The following POU2F2 variants were observed in gnomAD, a reference collection of about 807,000 sequenced individuals.
POU2F2 encodes the protein POU domain, class 2, transcription factor 2.
A neutral mutation model predicts 63.5 loss-of-function variants in POU2F2; 14 were observed. The observed-to-expected ratio is 0.22, with a 90% CI of 0.15 to 0.34. The LOEUF is 0.34. POU2F2 is among the 10% of genes least tolerant of loss of function. POU2F2 has a pLI of 1.00. For synonymous variants in POU2F2, 306 were observed against 348.6 expected (o/e 0.88, Z 1.36); for missense variants, 607 against 815.2 (o/e 0.74, Z 3.11).
chr19:42,151,170 G>A (rs902986430), intron 2 of POU2F2, among the ~76,000 whole-genome samples: 3 of 152,170 alleles, frequency 2.0e-5, no homozygotes, highest in South Asian at 2.1e-4. Context: ...GGGAGAGGTC[G>A]GGGGTCAGGC....
intron 11 of POU2F2, among the ~76,000 whole-genome samples, chr19:42,094,881 G>A (rs1314926942): frequency 6.6e-6 from 1 of 152,162 alleles, no homozygotes; most frequent in Non-Finnish European, 1.5e-5. Context: ...ATATCAAGTG[G>A]GCCTGTGTAT....
upstream of POU2F2, chr19:42,136,987 A>G (rs1344153480): frequency 6.6e-6 from 1 of 152,162 alleles, no homozygotes; most frequent in East Asian, 1.9e-4. Flanking sequence ...GGTGAGCTAG[A>G]TCTAAAATCT....
chr19:42,126,455 A>G (rs567744121), intron 1 of POU2F2, among the ~76,000 whole-genome samples: 365 of 152,022 alleles, frequency 2.4e-3, no homozygotes, highest in African/African-American at 6.8e-3. Context: ...AAAAAAAAAA[A>G]AAGAAGAAAA....
At chr19:42,141,787 T>C (rs2034133729) in intron 2 of POU2F2, among the ~76,000 whole-genome samples, 1 of 152,152 alleles carries the variant, frequency 6.6e-6, no homozygotes, top group Non-Finnish European at 1.5e-5. Flanking sequence ...GCCAGGAACT[T>C]AATTAATCTT....
At chr19:42,134,922 G>A (rs2033970882), upstream of POU2F2, among the ~76,000 whole-genome samples, 1 of 152,054 alleles carries the variant, frequency 6.6e-6, no homozygotes, top group African/African-American at 2.4e-5. Context: ...GGTCCCCCGG[G>A]GGCCCGGCGG....
chr19:42,105,999 T>TTTTA, intron 5 of POU2F2, among the ~76,000 whole-genome samples: 1 of 132,324 alleles, frequency 7.6e-6, no homozygotes, highest in South Asian at 2.5e-4. Flanking sequence ...GATCTTTCTT[T>TTTTA]TTTCTTTCTT....
At chr19:42,171,689 G>A (rs1004715304) in intron 1 of POU2F2, among the ~76,000 whole-genome samples, 3 of 152,198 alleles carry the variant, frequency 2.0e-5, no homozygotes, top group Non-Finnish European at 2.9e-5. Flanking sequence ...GATTAAGTCT[G>A]TGAATGCCAC....
intron 4 of POU2F2, among the ~76,000 whole-genome samples, chr19:42,120,872 T>C (rs2032531529): frequency 6.6e-6 from 1 of 152,150 alleles, no homozygotes; most frequent in Non-Finnish European, 1.5e-5. Flanking sequence ...AAAATTATTA[T>C]GTAAATAGTT....
At position 42,090,076 on chromosome 19, in the gene POU2F2, G is replaced by C. The variant is rs973226980; in HGVS notation, c.*1181C>G. 2.0e-5 allele frequency: 3 copies of C among 152,654 alleles called. No individual in the cohort carries two copies. Among genetic ancestry groups the C allele is most frequent in the African/African-American group, 7.2e-5 (3 of 41,426 alleles). 9.5% of individuals were successfully genotyped at this position (152,654 alleles called of 1,614,324 possible). Reference sequence around the variant, plus strand: ...TGGGGTGTGTGCGTGCGTGCATGTGGGGGGAGGGAGAGGCATTCGCCAGTA... The same window carrying C: ...TGGGGTGTGTGCGTGCGTGCATGTGCGGGGAGGGAGAGGCATTCGCCAGTA... On this transcript the variant is annotated 3_prime_UTR_variant, in exon 15 of 15. Coordinates refer to ENST00000692977, the MANE Select transcript of POU2F2 (RefSeq NM_001394376.1). The surrounding 1 kb of genome is among the most constrained non-coding windows in gnomAD (Gnocchi z 4.4).
At position 42,126,826 on chromosome 19, in the gene POU2F2, C is replaced by T. The variant is rs912080925; in HGVS notation, c.29-4250G>A. Among the ~76,000 whole-genome samples, 16 of 152,316 alleles carry T rather than the reference C, an allele frequency of 1.1e-4. 2 individuals carry two copies. Among genetic ancestry groups the T allele is most frequent in the African/African-American group, 3.1e-4 (13 of 41,558 alleles). On this transcript the variant is annotated intron_variant, in intron 1 of 14. Transcript: ENST00000692977. ...GGTCCCCAGCATCACAAGCCCAGAA[C>T]GGGTTGTAACTGCTGAATGTCCCTC...
intron 1 of POU2F2, among the ~76,000 whole-genome samples, chr19:42,124,021 A>C (rs1480417209): frequency 6.6e-6 from 1 of 152,150 alleles, no homozygotes; most frequent in Non-Finnish European, 1.5e-5. Context: ...GAAGACAGCT[A>C]AGCCAGGCAC....
chr19:42,197,166 G>A (rs2035159968), upstream of POU2F2, among the ~76,000 whole-genome samples: 1 of 152,154 alleles, frequency 6.6e-6, no homozygotes, highest in Admixed American at 6.5e-5. Flanking sequence ...GCAAGGGAGT[G>A]GAATTCCCCA....
At chr19:42,114,317 C>T (rs1377409362) in intron 5 of POU2F2, among the ~76,000 whole-genome samples, 1 of 152,090 alleles carries the variant, frequency 6.6e-6, no homozygotes, top group East Asian at 1.9e-4. Context: ...GATATTTCCT[C>T]GAGCAGATTC....
intron 2 of POU2F2, among the ~76,000 whole-genome samples, chr19:42,148,698 C>T (rs533162830): frequency 6.6e-5 from 10 of 152,242 alleles, no homozygotes; most frequent in Admixed American, 2.6e-4. Context: ...TCTGCTCCTC[C>T]GGCTGTGCCT....
At chr19:42,138,010 C>T (rs1279150435) in intron 2 of POU2F2, among the ~76,000 whole-genome samples, 2 of 152,138 alleles carry the variant, frequency 1.3e-5, no homozygotes, top group African/African-American at 4.8e-5. Flanking sequence ...CCAGATCGCA[C>T]AGGGCCTTGC....
chr19:42,114,585 G>A (rs1257908224), intron 5 of POU2F2, among the ~76,000 whole-genome samples: 5 of 152,188 alleles, frequency 3.3e-5, no homozygotes, highest in African/African-American at 4.8e-5. Context: ...TCTGGTGGCC[G>A]GGGTGGGAGG....
intron 2 of POU2F2, among the ~76,000 whole-genome samples, chr19:42,142,679 C>T (rs1266664596): frequency 6.6e-6 from 1 of 152,122 alleles, no homozygotes; most frequent in Non-Finnish European, 1.5e-5. Flanking sequence ...CCTCCTACCT[C>T]AGCCTCCTGA....
At chr19:42,145,823 A>G (rs2034218420) in intron 2 of POU2F2, among the ~76,000 whole-genome samples, 1 of 152,104 alleles carries the variant, frequency 6.6e-6, no homozygotes, top group African/African-American at 2.4e-5. Flanking sequence ...AATCCCAGCT[A>G]CTCGGGAGGC....
chr19:42,141,563 C>T (rs1195574169), intron 2 of POU2F2, among the ~76,000 whole-genome samples: 1 of 146,192 alleles, frequency 6.8e-6, no homozygotes, highest in Non-Finnish European at 1.5e-5. Context: ...CTCACTACAA[C>T]CTCTGCCTCC....
Sources: allele counts gnomAD v4.1 joint callset (sites outside exome capture counted in the v4.1 genomes callset), GRCh38; gene constraint gnomAD v4.1.1; non-coding constraint Gnocchi (gnomAD v3.1); transcripts MANE v1.5; gene names NCBI Gene and HGNC (gene_info 2026-07-23, HGNC 2026-07-21).